Variants in CNKSR3 observed in about 807,000 individuals in gnomAD.
The protein encoded by CNKSR3 is connector enhancer of kinase suppressor of ras 3.
A neutral mutation model predicts 67.7 loss-of-function variants in CNKSR3; 36 were observed. That is an observed-to-expected ratio of 0.53 (90% CI 0.41 to 0.70). CNKSR3 has a LOEUF of 0.70. Among genes scored for constraint, CNKSR3 ranks in the 30% least tolerant of loss-of-function variants. The pLI is 0.00. For missense variants in CNKSR3, 630 were observed against 695.2 expected (o/e 0.91, Z 1.05); for synonymous variants, 281 against 271.4 (o/e 1.04, Z -0.35).
intron 1 of CNKSR3, among the ~76,000 whole-genome samples, chr6:154,497,740 C>G (rs564712920): frequency 2.6e-5 from 4 of 152,296 alleles, no homozygotes; most frequent in African/African-American, 9.6e-5. Flanking sequence ...CTACAATATT[C>G]TCCTGTGTTT....
At chr6:154,505,500 T>A (rs866503952) in intron 1 of CNKSR3, among the ~76,000 whole-genome samples, 12,925 of 111,432 alleles carry the variant, frequency 0.12, 809 homozygotes, top group African/African-American at 0.23. Flanking sequence ...ATTATTATTT[T>A]TTTTTTTTTT....
intron 1 of CNKSR3, among the ~76,000 whole-genome samples, chr6:154,497,799 G>C (rs751415340): frequency 7.7e-6 from 1 of 129,694 alleles, no homozygotes. Flanking sequence ...TCTGGATTAA[G>C]AACTGAAGCT....
chr6:154,473,221 A>G (rs1786369417), intron 1 of CNKSR3, among the ~76,000 whole-genome samples: 1 of 152,254 alleles, frequency 6.6e-6, no homozygotes, highest in Admixed American at 6.5e-5. Flanking sequence ...GACAAGTGCC[A>G]GAGAGCACAC....
chr6:154,507,957 C>T (rs551158410), intron 1 of CNKSR3, among the ~76,000 whole-genome samples: 29 of 152,256 alleles, frequency 1.9e-4, no homozygotes, highest in African/African-American at 6.7e-4. Context: ...ACAAAAACAA[C>T]AACAACAACA....
Position 154,402,262 on chromosome 6 carries a change from T to TA in CNKSR3, c.*4091dup, listed in dbSNP as rs1784727627. 6.6e-6 allele frequency: 1 copy of TA among 152,204 alleles called. No individual in the cohort carries two copies. Among genetic ancestry groups the TA allele is most frequent in the African/African-American group, 2.4e-5 (1 of 41,442 alleles). The allele number at this position is 152,204 out of a possible 1,614,324, so 9.4% of individuals were successfully genotyped here. A position where few individuals can be genotyped will look rare whatever the true frequency, so the allele number is the denominator to read the frequency against. On this transcript the variant is annotated 3_prime_UTR_variant, in exon 13 of 13. Transcript: ENST00000607772. The stretch of plus-strand genomic sequence containing the variant: ...TGCGTGATACACAAGCCCTGCAGCT[T>TA]ACAGCCCTCACAACAAAGAGCTGAC...
chr6:154,410,870 A>T, intron 11 of CNKSR3, 64 bp downstream of exon 11: 1 of 1,295,038 alleles, frequency 7.7e-7, no homozygotes, highest in Non-Finnish European at 1.1e-6. Context: ...GTTCCAACTA[A>T]GGCAGGGGGC....
intron 1 of CNKSR3, among the ~76,000 whole-genome samples, chr6:154,489,948 C>G (rs963780519): frequency 6.6e-6 from 1 of 152,178 alleles, no homozygotes; most frequent in African/African-American, 2.4e-5. Context: ...CCCCTCCAAA[C>G]TTCCGCCGTC....
Position 154,392,265 on chromosome 6 carries a change from C to T in CNKSR3, c.*14089G>A, listed in dbSNP as rs1445927873. The stretch of plus-strand genomic sequence containing the variant: ...TTGTCTTCTGATGCTTTTTCCCACT[C>T]AGCACTATATTAATAAAATCCATCT... On this transcript the variant is annotated 3_prime_UTR_variant, in exon 13 of 13. Transcript: ENST00000607772. The T allele has an allele frequency of 6.6e-6, 1 of 151,776 alleles. No homozygotes were observed. The highest frequency in any genetic ancestry group is 1.5e-5 in the Non-Finnish European group (1 of 67,994). The allele number at this position is 151,776 out of a possible 1,614,324, so 9.4% of individuals were successfully genotyped here. A position where few individuals can be genotyped will look rare whatever the true frequency, so the allele number is the denominator to read the frequency against.
intron 12 of CNKSR3, among the ~76,000 whole-genome samples, chr6:154,409,440 C>T (rs1056808552): frequency 6.6e-6 from 1 of 152,074 alleles, no homozygotes; most frequent in Non-Finnish European, 1.5e-5. Context: ...ACACAAATTT[C>T]TTTTCAAATA....
intron 4 of CNKSR3, chr6:154,433,852 A>G (rs1348187038): frequency 5.5e-6 from 1 of 182,618 alleles, no homozygotes. Context: ...CCAAGTCAAG[A>G]AACCTGACGA....
Position 154,406,462 on chromosome 6 carries a change from C to T in CNKSR3, c.1560G>A (p.Gln520=), listed in dbSNP as rs1444794705. Residue 520 remains glutamine, a synonymous_variant, in exon 13 of 13, where the codon CAG becomes CAA. Coordinates refer to ENST00000607772, the MANE Select transcript of CNKSR3 (RefSeq NM_173515.4). ...DLHSSATIPF[Q]EEGTKKKSGS... ...CAGATTTCTTTTTGGTCCCTTCCTC[C>T]TGGAATGGAATCGTGGCGCTGCTGT... is the stretch of plus-strand genomic sequence containing the variant. 6.2e-7 allele frequency: 1 copy of T among 1,614,038 alleles called. No individual in the cohort carries two copies. Among genetic ancestry groups the T allele is most frequent in the Admixed American group, 1.7e-5 (1 of 60,002 alleles).
At chr6:154,433,380 T>C in intron 5 of CNKSR3, 86 bp downstream of exon 5, 1 of 884,498 alleles carries the variant, frequency 1.1e-6, no homozygotes, top group Non-Finnish European at 1.8e-6. Flanking sequence ...TCTCCTGAAG[T>C]AATTAGCCAC....
intron 1 of CNKSR3, among the ~76,000 whole-genome samples, chr6:154,486,156 C>A (rs551740403): frequency 2.6e-5 from 4 of 152,186 alleles, no homozygotes; most frequent in Admixed American, 2.6e-4. Flanking sequence ...CTACTCTACA[C>A]GTCAATATCG....
chr6:154,495,376 T>A (rs1021515543), intron 1 of CNKSR3, among the ~76,000 whole-genome samples: 3 of 141,926 alleles, frequency 2.1e-5, no homozygotes, highest in Admixed American at 6.9e-5. Flanking sequence ...TTTTTTTTTT[T>A]AAGAGAGAGA....
chr6:154,506,233 TA>T (rs1179076968), intron 1 of CNKSR3, among the ~76,000 whole-genome samples: 2 of 124,816 alleles, frequency 1.6e-5, no homozygotes, highest in Non-Finnish European at 3.4e-5. Context: ...GTACCAAACT[TA>T]AAAAAAAAGA....
chr6:154,464,806 G>A (rs1447222208), intron 1 of CNKSR3, among the ~76,000 whole-genome samples: 1 of 152,006 alleles, frequency 6.6e-6, no homozygotes, highest in Non-Finnish European at 1.5e-5. Flanking sequence ...CTCTCAAGAG[G>A]GACGTCATGG....
intron 9 of CNKSR3, among the ~76,000 whole-genome samples, chr6:154,419,774 C>T (rs1161244602): frequency 6.6e-6 from 1 of 151,972 alleles, no homozygotes; most frequent in Admixed American, 6.6e-5. Context: ...ATGCTATTCA[C>T]CCTTAAAAAA....
chr6:154,478,835 T>C (rs968070491), intron 1 of CNKSR3, among the ~76,000 whole-genome samples: 6 of 152,302 alleles, frequency 3.9e-5, no homozygotes, highest in South Asian at 2.1e-4. Context: ...AACACTGCAG[T>C]TGGAAAAACA....
At chr6:154,419,990 G>A (rs1785105529) in intron 9 of CNKSR3, among the ~76,000 whole-genome samples, 2 of 152,136 alleles carry the variant, frequency 1.3e-5, no homozygotes, top group Non-Finnish European at 1.5e-5. Context: ...GCTGAGACAG[G>A]AGAATCGCTT....
Sources: gnomAD v4.1 joint callset for allele counts (sites outside exome capture counted in the v4.1 genomes callset) on GRCh38, gnomAD v4.1.1 for gene constraint, MANE v1.5 for transcripts, NCBI Gene and HGNC (gene_info 2026-07-23, HGNC 2026-07-21) for gene names.